The following RNF24 variants were observed in gnomAD, a reference collection of about 807,000 sequenced individuals.
The protein encoded by RNF24 is ring finger protein 24.
A neutral mutation model predicts 20.0 loss-of-function variants in RNF24; 14 were observed. That is an observed-to-expected ratio of 0.70 (90% confidence interval 0.46 to 1.10). The LOEUF is 1.10. Ranked by LOEUF, RNF24 falls within the 50% of genes least tolerant of loss-of-function variation. RNF24 has a pLI of 0.00. For synonymous variants in RNF24, 45 were observed against 61.1 expected (o/e 0.74, Z 1.23); for missense variants, 124 against 177.6 (o/e 0.70, Z 1.71).
intron 2 of RNF24, 40 bp downstream of exon 2, chr20:3,963,835 T>G: frequency 6.9e-7 from 1 of 1,459,182 alleles, no homozygotes. Context: ...TATTGATTAT[T>G]TAACATATTT....
chr20:3,939,312 G>A (rs1290297414), intron 4 of RNF24, among the ~76,000 whole-genome samples: 2 of 152,140 alleles, frequency 1.3e-5, no homozygotes, highest in African/African-American at 2.4e-5. Context: ...TTATGTCTGA[G>A]AGTTTTATAA....
At chr20:3,947,385 A>G (rs1326808349) in intron 3 of RNF24, among the ~76,000 whole-genome samples, 1 of 152,192 alleles carries the variant, frequency 6.6e-6, no homozygotes, top group Non-Finnish European at 1.5e-5. Context: ...GAAAAAAATA[A>G]TTTTACTTGG....
rs191461516 is a variant in RNF24, at chr20:3,985,617, G to A, written c.-7-21593C>T. Among the ~76,000 whole-genome samples, 304 of 151,510 alleles carry A rather than the reference G, an allele frequency of 2.0e-3. 2 individuals are homozygous for A. Among genetic ancestry groups the A allele is most frequent in the African/African-American group, 7.1e-3 (293 of 41,264 alleles). On this transcript the variant is annotated intron_variant, in intron 1 of 5. Coordinates refer to ENST00000358395, the MANE Select transcript of RNF24 (RefSeq NM_001134337.3). ...GCTATCTTTGTTTACCGTAATTGAA[G>A]TTTGTCTACTTGAATATTTTTTAAA...
chr20:3,987,282 A>C (rs946863689), intron 1 of RNF24, among the ~76,000 whole-genome samples: 5 of 152,212 alleles, frequency 3.3e-5, no homozygotes, highest in Admixed American at 3.3e-4. Flanking sequence ...TCATAATTAC[A>C]CAAAGGCAGT....
At chr20:3,989,234 G>A (rs1980196305) in intron 1 of RNF24, among the ~76,000 whole-genome samples, 2 of 152,188 alleles carry the variant, frequency 1.3e-5, no homozygotes, top group Admixed American at 6.5e-5. Context: ...GCTCACGCCT[G>A]TAATCCCAGC....
At chr20:3,948,033 C>T (rs1600640180) in intron 3 of RNF24, among the ~76,000 whole-genome samples, 1 of 147,838 alleles carries the variant, frequency 6.8e-6, no homozygotes, top group African/African-American at 2.5e-5. Context: ...GCAACAAGAG[C>T]GAAACTCCGT....
chr20:3,948,931 CATTT>C (rs1286686314), intron 2 of RNF24, among the ~76,000 whole-genome samples: 30 of 152,180 alleles, frequency 2.0e-4, no homozygotes, highest in Middle Eastern at 3.4e-3. Context: ...AATATAATAC[CATTT>C]ATTTATCCAT....
rs59341739 is a variant in RNF24, at chr20:3,952,152, GAAA to G, written c.144-3876_144-3874del. 3.2e-3 allele frequency among the ~76,000 whole-genome samples: 431 copies of G among 133,632 alleles called. 3 individuals carry two copies. Among genetic ancestry groups the G allele is most frequent in the African/African-American group, 0.011 (413 of 37,330 alleles). The allele number at this position is 133,632 out of a possible 152,430, so 87.7% of individuals were successfully genotyped here. A position where few individuals can be genotyped will look rare whatever the true frequency, so the allele number is the denominator to read the frequency against. ...TCCATATAGATTTCAATTTCCACCA[GAAA>G]AAAAAAAAAACCCTCTTGGGGTTTT... On this transcript the variant is annotated intron_variant, in intron 2 of 5. Transcript: ENST00000358395.
intron 2 of RNF24, among the ~76,000 whole-genome samples, chr20:3,949,209 G>A (rs2091054037): frequency 6.6e-6 from 1 of 151,854 alleles, no homozygotes; most frequent in East Asian, 1.9e-4. Context: ...GAGAAACCCC[G>A]AATCTACTAA....
rs1413815237 is a variant in RNF24, at chr20:3,931,897, TG to T, written c.*2165del. On this transcript the variant is annotated 3_prime_UTR_variant, in exon 6 of 6. Transcript: ENST00000358395. ...AACCCCCTCAACATGCCTGTGGCTC[TG>T]ACACGGGGGGATGAATTAACTTGCC... The T allele has an allele frequency of 6.6e-6, 1 of 152,230 alleles. No homozygotes were observed. The highest frequency in any genetic ancestry group is 1.5e-5 in the Non-Finnish European group (1 of 68,034). 9.4% of individuals were successfully genotyped at this position (152,230 alleles called of 1,614,324 possible).
intron 1 of RNF24, among the ~76,000 whole-genome samples, chr20:3,984,692 C>A (rs1979728119): frequency 6.6e-6 from 1 of 152,128 alleles, no homozygotes; most frequent in Admixed American, 6.6e-5. Context: ...GGCTGGTGTT[C>A]CGTAAACATT....
At position 3,934,127 on chromosome 20, in the gene RNF24, A is replaced by T; in HGVS notation, c.383T>A (p.Leu128Ter). The T allele has an allele frequency of 6.3e-7, 1 of 1,582,312 alleles. No individual in the cohort carries two copies. The highest frequency in any genetic ancestry group is 8.6e-7 in the Non-Finnish European group (1 of 1,165,040). The change falls in exon 6 of 6, where the codon TTG becomes TAG. Residue 128 changes from leucine to a stop codon, truncating the protein, a stop_gained. Transcript: ENST00000358395. LOFTEE classifies it high-confidence loss of function. The surrounding 1 kb of genome is among the most constrained non-coding windows in gnomAD (Gnocchi z 4.0). Reference protein sequence around the residue: ...CNMPVLQLAQLHSKQDRGPPQ... With the variant: ...CNMPVLQLAQ Reference sequence around the variant, plus strand: ...GGGTCCACGGTCCTGCTTACTGTGCAACTGGGCCAGCTGTAGAACTGGCAT... The same window carrying T: ...GGGTCCACGGTCCTGCTTACTGTGCTACTGGGCCAGCTGTAGAACTGGCAT...
intron 4 of RNF24, among the ~76,000 whole-genome samples, chr20:3,935,837 C>G (rs143829565): frequency 1.3e-5 from 2 of 152,322 alleles, no homozygotes; most frequent in Admixed American, 6.5e-5. Context: ...AATAATGTTG[C>G]TTGAGGCCAT....
At chr20:3,977,878 A>AG (rs1330745111) in intron 1 of RNF24, among the ~76,000 whole-genome samples, 1 of 151,656 alleles carries the variant, frequency 6.6e-6, no homozygotes, top group East Asian at 1.9e-4. Context: ...AAAAAAAAAA[A>AG]AAAGGGCTCT....
intron 2 of RNF24, among the ~76,000 whole-genome samples, chr20:3,956,940 C>T (rs2091149175): frequency 6.6e-6 from 1 of 151,098 alleles, no homozygotes; most frequent in African/African-American, 2.4e-5. Flanking sequence ...GTGGGAGGAT[C>T]ACTCAAGCCC....
chr20:3,999,389 T>G (rs1473263015), intron 1 of RNF24, among the ~76,000 whole-genome samples: 1 of 152,196 alleles, frequency 6.6e-6, no homozygotes, highest in African/African-American at 2.4e-5. Flanking sequence ...ATAGCTACAG[T>G]AACCGTTTAT....
rs527272637 is a variant in RNF24, at chr20:3,963,845, T to C, written c.143+30A>G. The C allele has an allele frequency of 1.1e-5, 17 of 1,491,270 alleles. No homozygotes were observed. The South Asian group carries it at 2.1e-4, about 19-fold the overall frequency. 92.4% of individuals were successfully genotyped at this position (1,491,270 alleles called of 1,614,324 possible). A position where few individuals can be genotyped will look rare whatever the true frequency, so the allele number is the denominator to read the frequency against. On this transcript the variant is annotated intron_variant, in intron 2 of 5. Transcript: ENST00000358395. ...TTGATTATTGATTATTTAACATATT[T>C]TGAAGTAACATAGAATGAAAATTGG...
At chr20:3,938,409 C>T (rs2090917218) in intron 4 of RNF24, among the ~76,000 whole-genome samples, 1 of 152,172 alleles carries the variant, frequency 6.6e-6, no homozygotes, top group Admixed American at 6.6e-5. Context: ...GAGCACTACA[C>T]ATTCATAGAC....
At chr20:4,006,368 CAAA>C (rs11475896) in intron 1 of RNF24, among the ~76,000 whole-genome samples, 1 of 128,098 alleles carries the variant, frequency 7.8e-6, no homozygotes, top group Non-Finnish European at 1.6e-5. Flanking sequence ...GTCTCTGTCT[CAAA>C]AAAAAAAAAA....
Sources: gnomAD v4.1 joint callset for allele counts (sites outside exome capture counted in the v4.1 genomes callset) on GRCh38, gnomAD v4.1.1 for gene constraint, Gnocchi (gnomAD v3.1) non-coding constraint, MANE v1.5 for transcripts, NCBI Gene and HGNC (gene_info 2026-07-23, HGNC 2026-07-21) for gene names.